The following TRIML1 variants were observed in gnomAD, a reference collection of about 807,000 sequenced individuals.
The protein encoded by TRIML1 is tripartite motif family like 1.
TRIML1 carries 34 observed loss-of-function variants against 32.3 expected under a neutral mutation model. The observed-to-expected ratio is 1.05, with a 90% CI of 0.80 to 1.40. TRIML1 has a LOEUF of 1.40. TRIML1 is among the 40% of genes most tolerant of loss of function. TRIML1 has a pLI of 0.00. For synonymous variants in TRIML1, 244 were observed against 226.6 expected (o/e 1.08, Z -0.69); for missense variants, 595 against 574.9 (o/e 1.03, Z -0.36).
At position 188,147,173 on chromosome 4, in the gene TRIML1, C is replaced by T; in HGVS notation, c.1208C>T (p.Pro403Leu). The T allele has an allele frequency of 6.2e-7, 1 of 1,614,016 alleles. No homozygotes were observed. Among genetic ancestry groups the T allele is most frequent in the Non-Finnish European group, 8.5e-7 (1 of 1,180,010 alleles). The change falls in exon 6 of 6, where the codon CCT becomes CTT. Residue 403 changes from proline (P) to leucine (L), a missense_variant. Physicochemically the swap from Pro to Leu is moderately conservative, Grantham distance 98. Coordinates refer to ENST00000332517, the MANE Select transcript of TRIML1 (RefSeq NM_178556.5). ...TTGAAAGGTCAGCACGTCAGAGAGC[C>T]TGTGTGTAAGGTTGGTGTCTTCCTG... ...SPLKGQHVRE[P>L]VCKVGVFLDY...
rs1735111941 is a variant in TRIML1, at chr4:188,147,043, G to T, written c.1078G>T (p.Asp360Tyr). The change falls in exon 6 of 6, where the codon GAC becomes TAC. Residue 360 changes from aspartate (D) to tyrosine (Y), a missense_variant. Physicochemically the swap from Asp to Tyr is radical, Grantham distance 160. Transcript: ENST00000332517. ...KTEWEVGICKDSVSRKGNLPK... is the reference protein window; with the variant it reads ...KTEWEVGICKYSVSRKGNLPK... ...CGAGTGGGAAGTGGGCATCTGCAAG[G>T]ACTCTGTGAGCAGAAAGGGGAATCT... The T allele has an allele frequency of 6.2e-7, 1 of 1,612,196 alleles. No homozygotes were observed.
intron 5 of TRIML1, among the ~76,000 whole-genome samples, chr4:188,144,577 T>C (rs1035980045): frequency 6.7e-6 from 1 of 148,922 alleles, no homozygotes; most frequent in East Asian, 2.0e-4. Flanking sequence ...TTAGCCAGGA[T>C]GGTCTCGATC....
At chr4:188,149,802 A>G (rs1342501938), downstream of TRIML1, among the ~76,000 whole-genome samples, 1 of 151,854 alleles carries the variant, frequency 6.6e-6, no homozygotes, top group Non-Finnish European at 1.5e-5. Context: ...CTTCTTATTT[A>G]TGTATTTATT....
Position 188,147,341 on chromosome 4 carries a change from T to C in TRIML1, c.1376T>C (p.Leu459Pro). 1.3e-6 allele frequency: 2 copies of C among 1,514,356 alleles called. No individual in the cohort carries two copies. The highest frequency in any genetic ancestry group is 1.4e-5 in the South Asian group (1 of 73,890). 93.8% of individuals were successfully genotyped at this position (1,514,356 alleles called of 1,614,324 possible). The change falls in exon 6 of 6, where the codon CTC (leucine) becomes CCC (proline). Residue 459 changes from leucine (L) to proline (P), a missense_variant. Leu to Pro is a moderately conservative substitution (Grantham distance 98, BLOSUM62 -3). Coordinates refer to ENST00000332517, the MANE Select transcript of TRIML1 (RefSeq NM_178556.5). Reference protein sequence around the residue: ...LPNEGTNTDPLTICSLNSHV With the variant: ...LPNEGTNTDPPTICSLNSHV ...AATGAGGGGACAAACACAGACCCTC[T>C]CACCATCTGCTCACTGAACAGCCAC... is the stretch of plus-strand genomic sequence containing the variant.
At position 188,139,614 on chromosome 4, in the gene TRIML1, G is replaced by C. The variant is rs180844753; in HGVS notation, c.56G>C (p.Cys19Ser). 2.0e-5 allele frequency: 33 copies of C among 1,613,420 alleles called. No individual in the cohort carries two copies. The East Asian group carries it at 6.5e-4, about 32-fold the overall frequency. The change falls in exon 1 of 6, where the codon TGC (cysteine) becomes TCC (serine). Residue 19 changes from cysteine to serine, a missense_variant. Cys to Ser is a moderately radical substitution (Grantham distance 112). Transcript: ENST00000332517. ...NLREELTCFI[C>S]LDYFSSPVTT... ...AGGGAGGAACTCACCTGTTTCATCT[G>C]CTTAGACTATTTCAGCAGCCCAGTG...
chr4:188,145,748 C>T (rs937198353), intron 5 of TRIML1, among the ~76,000 whole-genome samples: 14 of 151,892 alleles, frequency 9.2e-5, no homozygotes, highest in Admixed American at 2.0e-4. Flanking sequence ...ACCTGGGAGA[C>T]GAGGTTGCAG....
chr4:188,146,719 TA>T, intron 5 of TRIML1, 102 bp from the exon 6 acceptor site: 2 of 1,005,906 alleles, frequency 2.0e-6, no homozygotes, highest in Non-Finnish European at 2.7e-6. Context: ...AAATTACATT[TA>T]AAAAACCAGG....
In TRIML1 at chr4:188,147,459, T is replaced by C; in HGVS notation, c.*87T>C. On this transcript the variant is annotated 3_prime_UTR_variant, in exon 6 of 6. Coordinates refer to ENST00000332517, the MANE Select transcript of TRIML1 (RefSeq NM_178556.5). Reference sequence around the variant, plus strand: ...GATGAAGGCATCGACAGTATTAATGTCAGGTGATCTGAAATAAACTCCCGT... The same window carrying C: ...GATGAAGGCATCGACAGTATTAATGCCAGGTGATCTGAAATAAACTCCCGT... 2 of 1,218,640 alleles carry C rather than the reference T, an allele frequency of 1.6e-6. No homozygotes were observed. The highest frequency in any genetic ancestry group is 2.1e-6 in the Non-Finnish European group (2 of 936,826). 75.5% of individuals were successfully genotyped at this position (1,218,640 alleles called of 1,614,324 possible).
upstream of TRIML1, among the ~76,000 whole-genome samples, chr4:188,137,929 T>C (rs559441005): frequency 6.6e-6 from 1 of 150,726 alleles, no homozygotes; most frequent in South Asian, 2.1e-4. Flanking sequence ...TTTTTCTTTT[T>C]TTTTTTAAGA....
chr4:188,150,313 G>C (rs919001305), downstream of TRIML1, among the ~76,000 whole-genome samples: 2 of 151,648 alleles, frequency 1.3e-5, no homozygotes, highest in African/African-American at 4.8e-5. Context: ...ATTTTTAATA[G>C]AGATGGGGTT....
chr4:188,143,628 C>T (rs941314476), intron 3 of TRIML1: 9 of 655,810 alleles, frequency 1.4e-5, no homozygotes, highest in African/African-American at 1.3e-4. Context: ...ACAAAGTATT[C>T]TCTAGTCATT....
intron 5 of TRIML1, 70 bp from the exon 6 acceptor site, chr4:188,146,752 G>A (rs1454609151): frequency 8.4e-7 from 1 of 1,196,900 alleles, no homozygotes; most frequent in Non-Finnish European, 1.1e-6. Context: ...AGAATTCAAT[G>A]GAAATCTCAC....
chr4:188,138,253 T>A (rs927984224), upstream of TRIML1, among the ~76,000 whole-genome samples: 4 of 151,890 alleles, frequency 2.6e-5, no homozygotes, highest in Non-Finnish European at 5.9e-5. Flanking sequence ...AAGTTCAAGA[T>A]AAGAAAACAT....
Position 188,147,019 on chromosome 4 carries a change from G to T in TRIML1, c.1054G>T (p.Glu352Ter), listed in dbSNP as rs748429317. 6.2e-7 allele frequency: 1 copy of T among 1,604,048 alleles called. No individual in the cohort carries two copies. Among genetic ancestry groups the T allele is most frequent in the African/African-American group, 1.3e-5 (1 of 74,828 alleles). ...YWEVEVGNKT[E>*]WEVGICKDSV... The stretch of plus-strand genomic sequence containing the variant: ...GGAGGTGGAGGTGGGAAACAAGACC[G>T]AGTGGGAAGTGGGCATCTGCAAGGA... The change falls in exon 6 of 6, where the codon GAG becomes TAG. Residue 352 changes from glutamate (E) to a stop codon, truncating the protein, a stop_gained. Coordinates refer to ENST00000332517, the MANE Select transcript of TRIML1 (RefSeq NM_178556.5). LOFTEE classifies it low-confidence loss of function (END_TRUNC).
chr4:188,141,173 T>TTTTTTTTTTTTTG (rs1394036753), intron 2 of TRIML1, among the ~76,000 whole-genome samples: 13 of 148,292 alleles, frequency 8.8e-5, no homozygotes, highest in Admixed American at 3.4e-4. Flanking sequence ...CTGTTTTTTT[T>TTTTTTTTTTTTTG]TTTTTTTTTT....
intron 5 of TRIML1, among the ~76,000 whole-genome samples, chr4:188,144,635 T>C (rs1427817091): frequency 1.3e-5 from 2 of 152,002 alleles, no homozygotes; most frequent in South Asian, 2.1e-4. Context: ...GTGCTGGGAT[T>C]ACAGGCGTGA....
rs1323022322 is a variant in TRIML1 at position 188,146,985 on chromosome 4, A to G, written c.1020A>G (p.Arg340=). ...GTACTCAGATCTTCACCAGTGGGAG[A>G]CACTACTGGGAGGTGGAGGTGGGAA... ...VLGTQIFTSG[R]HYWEVEVGNK... is the part of the protein sequence containing the mutation. Residue 340 remains arginine, a synonymous_variant, in exon 6 of 6, where the codon AGA becomes AGG. Coordinates refer to ENST00000332517, the MANE Select transcript of TRIML1 (RefSeq NM_178556.5). 2 of 1,571,322 alleles carry G rather than the reference A, an allele frequency of 1.3e-6. No homozygotes were observed. Among genetic ancestry groups the G allele is most frequent in the Non-Finnish European group, 1.7e-6 (2 of 1,158,374 alleles).
In TRIML1 at chr4:188,146,866, T is replaced by G. The variant is rs544274098; in HGVS notation, c.901T>G (p.Leu301Val). The G allele has an allele frequency of 6.9e-7, 1 of 1,447,468 alleles. No homozygotes were observed. The highest frequency in any genetic ancestry group is 9.1e-7 in the Non-Finnish European group (1 of 1,097,078). The allele number at this position is 1,447,468 out of a possible 1,614,324, so 89.7% of individuals were successfully genotyped here. The change falls in exon 6 of 6, where the codon TTG becomes GTG. Residue 301 changes from leucine (L) to valine (V), a missense_variant. Physicochemically the swap from Leu to Val is conservative, Grantham distance 32. Coordinates refer to ENST00000332517, the MANE Select transcript of TRIML1 (RefSeq NM_178556.5). The stretch of plus-strand genomic sequence containing the variant: ...AGCCACAGCTAATGCCTATCTCGTG[T>G]TGTCGGAGGATCTGAAGAGTGTGAA... Reference protein sequence around the residue: ...DPATANAYLVLSEDLKSVKYG... With the variant: ...DPATANAYLVVSEDLKSVKYG...
chr4:188,139,402 A>G, upstream of TRIML1: 1 of 701,892 alleles, frequency 1.4e-6, no homozygotes, highest in Non-Finnish European at 2.3e-6. Context: ...AGTGTATGTC[A>G]GCTGGTGAAA....
Sources: allele counts gnomAD v4.1 joint callset (sites outside exome capture counted in the v4.1 genomes callset), GRCh38; gene constraint gnomAD v4.1.1; transcripts MANE v1.5; gene names NCBI Gene and HGNC (gene_info 2026-07-23, HGNC 2026-07-21).